The following AKIP1 variants were observed in gnomAD, a reference collection of about 807,000 sequenced individuals.
AKIP1 encodes A-kinase interacting protein 1, also known as A-kinase-interacting protein 1.
A neutral mutation model predicts 22.3 loss-of-function variants in AKIP1; 18 were observed. That is an observed-to-expected ratio of 0.81 (90% CI 0.56 to 1.19). The LOEUF is 1.19. Among genes scored for constraint, AKIP1 ranks in the 50% most tolerant of loss-of-function variants. The pLI, the probability that AKIP1 is intolerant of heterozygous loss-of-function variation, is 0.00. For synonymous variants in AKIP1, 120 were observed against 102.7 expected (o/e 1.17, Z -1.02); for missense variants, 287 against 264.6 (o/e 1.08, Z -0.59).
At chr11:8,913,342 C>A (rs2064429607) in intron 3 of AKIP1, among the ~76,000 whole-genome samples, 1 of 152,010 alleles carries the variant, frequency 6.6e-6, no homozygotes, top group Non-Finnish European at 1.5e-5. Flanking sequence ...CACATGCCAC[C>A]ATGCCTGGCT....
chr11:8,914,020 G>A (rs979051837), intron 3 of AKIP1, among the ~76,000 whole-genome samples: 2 of 152,208 alleles, frequency 1.3e-5, no homozygotes, highest in Non-Finnish European at 2.9e-5. Flanking sequence ...TGGCTTTCTA[G>A]AGATAGAATT....
chr11:8,916,255 C>T (rs1463605857), intron 4 of AKIP1, among the ~76,000 whole-genome samples: 1 of 151,718 alleles, frequency 6.6e-6, no homozygotes, highest in Non-Finnish European at 1.5e-5. Context: ...CATGCCTGGC[C>T]CCTGTCTTTC....
chr11:8,917,498 G>C, intron 5 of AKIP1, 131 bp downstream of exon 5: 1 of 748,216 alleles, frequency 1.3e-6, no homozygotes. Flanking sequence ...TTACACTTAA[G>C]AAGGGCACAC....
chr11:8,918,571 AC>A (rs2064523284), intron 5 of AKIP1, among the ~76,000 whole-genome samples: 1 of 152,074 alleles, frequency 6.6e-6, no homozygotes, highest in African/African-American at 2.4e-5. Context: ...CCCAGGTGTC[AC>A]TCTGGCCCTT....
chr11:8,912,746 C>A (rs1428669743), intron 3 of AKIP1, among the ~76,000 whole-genome samples: 1 of 151,546 alleles, frequency 6.6e-6, no homozygotes, highest in Non-Finnish European at 1.5e-5. Context: ...CTGTAGCTGA[C>A]AATATAGCAA....
At chr11:8,911,252 G>C (rs1011108569) in intron 1 of AKIP1, 29 bp downstream of exon 1, 1 of 590,288 alleles carries the variant, frequency 1.7e-6, no homozygotes, top group African/African-American at 1.9e-5. Context: ...TAGCGGAAGG[G>C]GTAGATGAAA....
At chr11:8,911,702 G>C in intron 2 of AKIP1, 31 bp downstream of exon 2, 1 of 1,471,586 alleles carries the variant, frequency 6.8e-7, no homozygotes, top group Non-Finnish European at 9.0e-7. Context: ...GGCCGCCCCA[G>C]TCCTTCGCGC....
chr11:8,911,357 C>A, intron 1 of AKIP1, 87 bp from the exon 2 acceptor site: 2 of 1,256,450 alleles, frequency 1.6e-6, no homozygotes, highest in Non-Finnish European at 2.2e-6. Flanking sequence ...CCAGGGAGGT[C>A]GAGGCTGGGG....
At position 8,911,563 on chromosome 11, in the gene AKIP1, C is replaced by G; in HGVS notation, c.114C>G (p.Asp38Glu). ...VLERAKRRAV[D>E]WHALERPKGC... is the part of the protein sequence containing the mutation. ...AGAGGGCCAAGAGGAGGGCGGTGGA[C>G]TGGCATGCCCTGGAGCGTCCCAAAG... The change falls in exon 2 of 6, where the codon GAC (aspartate) becomes GAG (glutamate). Residue 38 changes from aspartate (D) to glutamate (E), a missense_variant. Physicochemically the swap from Asp to Glu is conservative, Grantham distance 45. Coordinates refer to ENST00000309377, the MANE Select transcript of AKIP1 (RefSeq NM_020642.4). The G allele has an allele frequency of 6.2e-7, 1 of 1,611,292 alleles. No individual in the cohort carries two copies. Among genetic ancestry groups the G allele is most frequent in the South Asian group, 1.1e-5 (1 of 90,062 alleles).
chr11:8,911,355 G>T, intron 1 of AKIP1, 89 bp from the exon 2 acceptor site: 1 of 1,229,626 alleles, frequency 8.1e-7, no homozygotes, highest in Non-Finnish European at 1.1e-6. Flanking sequence ...CTCCAGGGAG[G>T]TCGAGGCTGG....
At chr11:8,917,840 A>C in intron 5 of AKIP1, 2 of 185,042 alleles carry the variant, frequency 1.1e-5, no homozygotes, top group Admixed American at 6.1e-5. Flanking sequence ...AAAACATATA[A>C]TGAGTTTTTC....
chr11:8,917,346 T>C lies in AKIP1; in HGVS notation c.468T>C (p.His156=). 6.2e-7 allele frequency: 1 copy of C among 1,613,672 alleles called. No individual in the cohort carries two copies. The highest frequency in any genetic ancestry group is 8.5e-7 in the Non-Finnish European group (1 of 1,179,888). The stretch of plus-strand genomic sequence containing the variant: ...GAGGCAGCTATCAAATATCAGAGCA[T>C]GCTCCAGAGGCATCCCAGCCTGTGA... ...GPGGSYQISE[H]APEASQPAEN... The change falls in exon 5 of 6, where the codon CAT becomes CAC. Residue 156 remains histidine, a synonymous_variant. Coordinates refer to ENST00000309377, the MANE Select transcript of AKIP1 (RefSeq NM_020642.4).
At position 8,912,633 on chromosome 11, in the gene AKIP1, C is replaced by G. The variant is rs191305501; in HGVS notation, c.303+100C>G. ...GAGAATCTGGACACTACCTGTTTCT[C>G]CTGCCCAGCCTTCACGGTCAGATTG... On this transcript the variant is annotated intron_variant, in intron 3 of 5. Coordinates refer to ENST00000309377, the MANE Select transcript of AKIP1 (RefSeq NM_020642.4). 104 of 1,051,574 alleles carry G rather than the reference C, an allele frequency of 9.9e-5. No homozygotes were observed. The African/African-American group carries it at 1.3e-3, about 14-fold the overall frequency. The allele number at this position is 1,051,574 out of a possible 1,614,324, so 65.1% of individuals were successfully genotyped here.
chr11:8,915,155 G>A (rs907113258), intron 4 of AKIP1, among the ~76,000 whole-genome samples: 1 of 152,128 alleles, frequency 6.6e-6, no homozygotes, highest in Admixed American at 6.5e-5. Flanking sequence ...AGGATCTTTA[G>A]TTGAACCTGC....
Position 8,911,448 on chromosome 11 carries a change from C to A in AKIP1, c.-2C>A. ...GTACGTTGTGTGCCCACTCAGGGAG[C>A]CATGGACAACTGTTTGGCGGCCGCA... is the stretch of plus-strand genomic sequence containing the variant. On this transcript the variant is annotated 5_prime_UTR_variant, in exon 2 of 6. Transcript: ENST00000309377. The A allele has an allele frequency of 6.3e-7, 1 of 1,588,652 alleles. No individual in the cohort carries two copies. The highest frequency in any genetic ancestry group is 8.6e-7 in the Non-Finnish European group (1 of 1,167,612).
chr11:8,913,847 C>T (rs2064437502), intron 3 of AKIP1, among the ~76,000 whole-genome samples: 1 of 152,152 alleles, frequency 6.6e-6, no homozygotes, highest in African/African-American at 2.4e-5. Flanking sequence ...AAATCAATAG[C>T]CTCAACTCTA....
chr11:8,911,264 T>G, intron 1 of AKIP1, 41 bp downstream of exon 1: 4 of 585,190 alleles, frequency 6.8e-6, no homozygotes, highest in South Asian at 2.1e-5. Context: ...TAGATGAAAA[T>G]GGAAGGGGCG....
At chr11:8,914,767 T>G (rs1243540525) in intron 3 of AKIP1, 59 bp from the exon 4 acceptor site, 25 of 1,399,870 alleles carry the variant, frequency 1.8e-5, no homozygotes, top group Non-Finnish European at 2.3e-5. Flanking sequence ...ATATCAGGGT[T>G]TTTTGAAAAT....
chr11:8,919,572 T>G lies in AKIP1; in HGVS notation c.*92T>G. ...TCTTAATAGCTATACATTAATCCTG[T>G]TTTTAGTGCTGACTGGGTCAGCCTT... On this transcript the variant is annotated 3_prime_UTR_variant, in exon 6 of 6. Coordinates refer to ENST00000309377, the MANE Select transcript of AKIP1 (RefSeq NM_020642.4). The G allele has an allele frequency of 7.2e-7, 1 of 1,389,478 alleles. No individual in the cohort carries two copies. Among genetic ancestry groups the G allele is most frequent in the Non-Finnish European group, 9.9e-7 (1 of 1,013,126 alleles). The allele number at this position is 1,389,478 out of a possible 1,614,324, so 86.1% of individuals were successfully genotyped here.
Sources: gnomAD v4.1 joint callset for allele counts (sites outside exome capture counted in the v4.1 genomes callset) on GRCh38, gnomAD v4.1.1 for gene constraint, MANE v1.5 for transcripts, NCBI Gene and HGNC (gene_info 2026-07-23, HGNC 2026-07-21) for gene names.